CARMIL1: variants seen among roughly 807,000 people sequenced by gnomAD.
CARMIL1 encodes the protein capping protein regulator and myosin 1 linker 1, also known as F-actin-uncapping protein LRRC16A.
CARMIL1 carries 90 observed loss-of-function variants against 177.1 expected under a neutral mutation model. The ratio of observed to expected loss-of-function variants is 0.51; its 90% confidence interval spans 0.43 to 0.61. CARMIL1 has a LOEUF of 0.61. Ranked by LOEUF, CARMIL1 falls within the 20% of genes least tolerant of loss-of-function variation. The pLI is 0.00. For missense variants in CARMIL1, 1,380 were observed against 1,667.0 expected (o/e 0.83, Z 3.00); for synonymous variants, 577 against 606.2 (o/e 0.95, Z 0.71).
At chr6:25,437,807 A>G (rs1281344372) in intron 5 of CARMIL1, among the ~76,000 whole-genome samples, 1 of 152,248 alleles carries the variant, frequency 6.6e-6, no homozygotes, top group Non-Finnish European at 1.5e-5. Context: ...TAAGCTTTTA[A>G]AAATATTATC....
intron 2 of CARMIL1, among the ~76,000 whole-genome samples, chr6:25,407,239 G>C (rs930947984): frequency 1.8e-4 from 27 of 152,294 alleles, no homozygotes; most frequent in Middle Eastern, 3.4e-3. Context: ...GGTAGAGACA[G>C]TTAGAGGGGA....
chr6:25,557,381 C>G (rs1432967432), intron 29 of CARMIL1, among the ~76,000 whole-genome samples: 1 of 152,094 alleles, frequency 6.6e-6, no homozygotes, highest in Non-Finnish European at 1.5e-5. Flanking sequence ...TATCCATTTT[C>G]TAAATTTCAT....
chr6:25,422,323 G>A (rs1375549613), intron 3 of CARMIL1, among the ~76,000 whole-genome samples: 1 of 152,134 alleles, frequency 6.6e-6, no homozygotes. Flanking sequence ...TCTGACTTAG[G>A]TGCCAAGTTA....
rs774343981 is a variant in CARMIL1 at position 25,610,062 on chromosome 6, ACT to A, written c.3864_3865del (p.Pro1289IlefsTer2). On this transcript the variant is annotated frameshift_variant, in exon 36 of 37. Transcript: ENST00000329474. LOFTEE classifies it high-confidence loss of function. ...TGTGTCTCCTTAGATGACATTCCAG[ACT>A]CTCCATCTAGCCCGAAAGTTGCCCT... The A allele has an allele frequency of 8.1e-6, 13 of 1,613,668 alleles. No individual in the cohort carries two copies. Among genetic ancestry groups the A allele is most frequent in the Non-Finnish European group, 2.5e-6 (3 of 1,179,780 alleles).
At position 25,554,005 on chromosome 6, in the gene CARMIL1, A is replaced by G; in HGVS notation, c.2505-4A>G. 6.3e-7 allele frequency: 1 copy of G among 1,584,928 alleles called. No homozygotes were observed. The highest frequency in any genetic ancestry group is 8.6e-7 in the Non-Finnish European group (1 of 1,162,054). On this transcript the variant is annotated splice_polypyrimidine_tract_variant and splice_region_variant and intron_variant, in intron 27 of 36. Coordinates refer to ENST00000329474, the MANE Select transcript of CARMIL1 (RefSeq NM_017640.6). This position sits in a 1 kb window ranked among gnomAD's most constrained non-coding sequence, Gnocchi z 4.6. The stretch of plus-strand genomic sequence containing the variant: ...GGTACTCTGTCCTTTTGATTTTCAC[A>G]CAGTGAAGTAAAATTGACAGTGGCC...
Position 25,485,938 on chromosome 6 carries a change from TAA to T in CARMIL1, c.962-2531_962-2530del, listed in dbSNP as rs36113795. ...CATGGCTCGATAACGCAAGACAGATTAAAAAAAAAAAAAACTCCCCATGACAT... is the reference window on the plus strand; with the variant it reads ...CATGGCTCGATAACGCAAGACAGATTAAAAAAAAAAAACTCCCCATGACAT... On this transcript the variant is annotated intron_variant, in intron 12 of 36. Coordinates refer to ENST00000329474, the MANE Select transcript of CARMIL1 (RefSeq NM_017640.6). 1.0e-3 allele frequency among the ~76,000 whole-genome samples: 145 copies of T among 142,442 alleles called. 2 individuals are homozygous for T. The East Asian group carries it at 0.021, about 21-fold the overall frequency. 93.4% of individuals were successfully genotyped at this position (142,442 alleles called of 152,430 possible). A position where few individuals can be genotyped will look rare whatever the true frequency, so the allele number is the denominator to read the frequency against.
intron 8 of CARMIL1, among the ~76,000 whole-genome samples, chr6:25,460,984 C>T (rs147962618): frequency 3.9e-5 from 6 of 152,294 alleles, no homozygotes; most frequent in African/African-American, 1.4e-4. Context: ...TCCGCTTGCC[C>T]CACCTGGTTA....
chr6:25,452,431 A>C, intron 8 of CARMIL1: 2 of 548,580 alleles, frequency 3.6e-6, no homozygotes, highest in Non-Finnish European at 6.4e-6. Flanking sequence ...ACAGTCCTCC[A>C]GTGTTTGGTC....
intron 29 of CARMIL1, among the ~76,000 whole-genome samples, chr6:25,574,412 C>G (rs1321572468): frequency 6.6e-6 from 1 of 152,210 alleles, no homozygotes; most frequent in Admixed American, 6.5e-5. Context: ...GAGCTTCTCT[C>G]TCTTATTCAC....
intron 2 of CARMIL1, among the ~76,000 whole-genome samples, chr6:25,378,824 A>G (rs1791264197): frequency 6.6e-6 from 1 of 150,730 alleles, no homozygotes; most frequent in Admixed American, 6.6e-5. Context: ...ATCTCTCCAC[A>G]CTATTTTGTC....
In CARMIL1 at chr6:25,336,441, GTGTGGGC is replaced by G. The variant is rs781260997; in HGVS notation, c.138+51538_138+51544del. 3.3e-5 allele frequency among the ~76,000 whole-genome samples: 5 copies of G among 152,356 alleles called. 1 individual carries two copies. The South Asian group carries it at 1.0e-3, about 32-fold the overall frequency. ...GCCTAAGGCAGTATGGTAGCGAAGAGTGTGGGCTGTGGTCTCAGGTTGCCTGGGTTCA... is the reference window on the plus strand; with the variant it reads ...GCCTAAGGCAGTATGGTAGCGAAGAGTGTGGTCTCAGGTTGCCTGGGTTCA... On this transcript the variant is annotated intron_variant, in intron 2 of 36. Coordinates refer to ENST00000329474, the MANE Select transcript of CARMIL1 (RefSeq NM_017640.6).
At chr6:25,591,232 T>C (rs574386873) in intron 31 of CARMIL1, among the ~76,000 whole-genome samples, 2 of 152,370 alleles carry the variant, frequency 1.3e-5, no homozygotes, top group Admixed American at 1.3e-4. Flanking sequence ...GTATTCACTG[T>C]AATAATCCTG....
intron 24 of CARMIL1, among the ~76,000 whole-genome samples, chr6:25,534,735 G>A (rs1808122670): frequency 6.6e-6 from 1 of 152,132 alleles, no homozygotes; most frequent in Admixed American, 6.5e-5. Context: ...TTTATGTCCT[G>A]TGTTACTGCT....
In CARMIL1 at chr6:25,318,194, C is replaced by T. The variant is rs376449909; in HGVS notation, c.138+33285C>T. On this transcript the variant is annotated intron_variant, in intron 2 of 36. Transcript: ENST00000329474. ...TGGGAGGATTGCCTTGACAGCTGTG[C>T]GCACAGTGGGTTGGAAGGGGAGCAG... Among the ~76,000 whole-genome samples, 11 of 152,080 alleles carry T rather than the reference C, an allele frequency of 7.2e-5. 1 individual carries two copies. The highest frequency in any genetic ancestry group is 6.2e-4 in the South Asian group (3 of 4,818).
chr6:25,458,154 C>T (rs1032498271), intron 8 of CARMIL1, among the ~76,000 whole-genome samples: 2 of 151,876 alleles, frequency 1.3e-5, no homozygotes, highest in East Asian at 1.9e-4. Context: ...TGTAGAGTAG[C>T]GAAGAATTTG....
chr6:25,483,301 T>C (rs1802299635), intron 12 of CARMIL1, among the ~76,000 whole-genome samples: 1 of 152,210 alleles, frequency 6.6e-6, no homozygotes, highest in Admixed American at 6.5e-5. Flanking sequence ...TGGTTGAAAG[T>C]GTCAGTTCTG....
chr6:25,428,032 A>G lies in CARMIL1; in HGVS notation c.249+1472A>G, dbSNP rs140265016. 7.4e-3 allele frequency among the ~76,000 whole-genome samples: 1,133 copies of G among 152,282 alleles called. 6 individuals carry two copies. The highest frequency in any genetic ancestry group is 0.012 in the Non-Finnish European group (824 of 68,022). On this transcript the variant is annotated intron_variant, in intron 4 of 36. Transcript: ENST00000329474. Reference sequence around the variant, plus strand: ...AAGTTTTAAATGTTGATGAAGTCCAATTTATCAATGTTTTCTTTTATGGAT... The same window carrying G: ...AAGTTTTAAATGTTGATGAAGTCCAGTTTATCAATGTTTTCTTTTATGGAT...
chr6:25,462,236 T>C (rs1238931701), intron 8 of CARMIL1, among the ~76,000 whole-genome samples: 2 of 152,224 alleles, frequency 1.3e-5, no homozygotes, highest in Non-Finnish European at 2.9e-5. Flanking sequence ...TAAAAACTCT[T>C]AGACTAAGCC....
intron 25 of CARMIL1, 128 bp from the exon 26 acceptor site, chr6:25,539,819 C>A: frequency 3.0e-6 from 2 of 677,606 alleles, no homozygotes; most frequent in Non-Finnish European, 4.6e-6. Context: ...TTAATCTGTG[C>A]AAAGAGCCTT....
Sources: gnomAD v4.1 joint callset for allele counts (sites outside exome capture counted in the v4.1 genomes callset) on GRCh38, gnomAD v4.1.1 for gene constraint, Gnocchi (gnomAD v3.1) non-coding constraint, MANE v1.5 for transcripts, NCBI Gene and HGNC (gene_info 2026-07-23, HGNC 2026-07-21) for gene names.